Variants in FMN2 observed in about 807,000 individuals in gnomAD.
FMN2 encodes formin 2.
A neutral mutation model predicts 142.3 loss-of-function variants in FMN2; 51 were observed. That is an observed-to-expected ratio of 0.36 (90% CI 0.29 to 0.45). The LOEUF is 0.45. Ranked by LOEUF, FMN2 falls within the 20% of genes least tolerant of loss-of-function variation. FMN2 has a pLI of 1.00. For missense variants in FMN2, 1,936 were observed against 2,122.8 expected (o/e 0.91, Z 1.73); for synonymous variants, 882 against 869.8 (o/e 1.01, Z -0.25).
At chr1:240,369,567 T>C (rs1348825684) in intron 14 of FMN2, among the ~76,000 whole-genome samples, 1 of 152,158 alleles carries the variant, frequency 6.6e-6, no homozygotes, top group Non-Finnish European at 1.5e-5. Context: ...GTAAATTCTG[T>C]TTTTGTCTGT....
At chr1:240,192,537 A>G (rs933326547) in intron 4 of FMN2, among the ~76,000 whole-genome samples, 4 of 152,220 alleles carry the variant, frequency 2.6e-5, no homozygotes, top group African/African-American at 9.6e-5. Flanking sequence ...CCCACAAGAC[A>G]AGTAAATAAC....
chr1:240,171,375 C>G, intron 2 of FMN2: 1 of 565,886 alleles, frequency 1.8e-6, no homozygotes, highest in Non-Finnish European at 3.3e-6. Context: ...CCTCCTAGAC[C>G]TTCAGCAGCT....
At chr1:240,135,245 T>C (rs1662890747) in intron 2 of FMN2, among the ~76,000 whole-genome samples, 2 of 152,208 alleles carry the variant, frequency 1.3e-5, no homozygotes, top group South Asian at 4.1e-4. Context: ...ATTGCTCTTC[T>C]CTTTCAAAGA....
At chr1:240,378,878 T>C (rs534021536) in intron 14 of FMN2, among the ~76,000 whole-genome samples, 1 of 152,222 alleles carries the variant, frequency 6.6e-6, no homozygotes, top group Non-Finnish European at 1.5e-5. Context: ...GGGTGGTTAC[T>C]AAAAAACTAC....
At chr1:240,315,956 C>T (rs1670768086) in intron 8 of FMN2, among the ~76,000 whole-genome samples, 1 of 152,124 alleles carries the variant, frequency 6.6e-6, no homozygotes, top group South Asian at 2.1e-4. Context: ...ACACAAAAGG[C>T]CATTTCATGC....
intron 15 of FMN2, among the ~76,000 whole-genome samples, chr1:240,410,715 A>T (rs2103124658): frequency 6.6e-6 from 1 of 152,324 alleles, no homozygotes; most frequent in East Asian, 1.9e-4. Context: ...TAAGTGATAA[A>T]TTGTCTGCTT....
intron 13 of FMN2, among the ~76,000 whole-genome samples, chr1:240,339,338 T>G (rs1240993508): frequency 2.8e-5 from 4 of 144,292 alleles, no homozygotes; most frequent in Admixed American, 1.4e-4. Context: ...TCTATTTTAT[T>G]ATTTTTTTTT....
In FMN2 at chr1:240,206,924, G is replaced by A; in HGVS notation, c.2112G>A (p.Val704=). Residue 704 remains valine (V), a synonymous_variant, in exon 5 of 18, where the codon GTG becomes GTA. Transcript: ENST00000319653. ...ERQYPALDTE[V]ASGHQGLENG... is the part of the protein sequence containing the mutation. ...AGTATCCTGCCCTGGACACAGAGGT[G>A]GCCAGTGGTCATCAAGGGCTTGAGA... 1 of 1,614,164 alleles carries A rather than the reference G, an allele frequency of 6.2e-7. No individual in the cohort carries two copies. Among genetic ancestry groups the A allele is most frequent in the Non-Finnish European group, 8.5e-7 (1 of 1,180,006 alleles).
At chr1:240,222,089 C>A (rs576133375) in intron 6 of FMN2, among the ~76,000 whole-genome samples, 7 of 149,924 alleles carry the variant, frequency 4.7e-5, no homozygotes, top group African/African-American at 1.7e-4. Flanking sequence ...GAACTCCTGG[C>A]CTCAAGTCAC....
Position 240,206,969 on chromosome 1 carries a change from C to A in FMN2, c.2157C>A (p.Gly719=). Residue 719 remains glycine, a synonymous_variant, in exon 5 of 18, where the codon GGC becomes GGA. Coordinates refer to ENST00000319653, the MANE Select transcript of FMN2 (RefSeq NM_020066.5). ...TTGAGAATGGAGTGACAGCCTCAGGCGATGTCTGTCTCGAAGCTCTCAGGT... is the reference window on the plus strand; with the variant it reads ...TTGAGAATGGAGTGACAGCCTCAGGAGATGTCTGTCTCGAAGCTCTCAGGT... The part of the protein sequence containing the change: ...QGLENGVTAS[G]DVCLEALRLE... 1.2e-6 allele frequency: 2 copies of A among 1,614,100 alleles called. No homozygotes were observed. The highest frequency in any genetic ancestry group is 1.7e-6 in the Non-Finnish European group (2 of 1,180,000).
intron 6 of FMN2, among the ~76,000 whole-genome samples, chr1:240,232,657 T>C (rs1347879827): frequency 6.6e-6 from 1 of 152,184 alleles, no homozygotes; most frequent in Non-Finnish European, 1.5e-5. Context: ...ATCTATAACA[T>C]ATGACTCATA....
At chr1:240,323,857 C>T (rs535150730) in intron 8 of FMN2, among the ~76,000 whole-genome samples, 5 of 152,284 alleles carry the variant, frequency 3.3e-5, no homozygotes, top group African/African-American at 1.2e-4. Context: ...TCTGAAGCTT[C>T]CTCCTCAGGG....
chr1:240,435,551 A>G (rs1184629930), intron 15 of FMN2, among the ~76,000 whole-genome samples: 2 of 152,078 alleles, frequency 1.3e-5, no homozygotes, highest in African/African-American at 4.8e-5. Context: ...CATATGTAAT[A>G]TAAAATACAT....
At chr1:240,155,148 C>T (rs943432062) in intron 2 of FMN2, among the ~76,000 whole-genome samples, 19 of 152,166 alleles carry the variant, frequency 1.2e-4, no homozygotes, top group African/African-American at 3.4e-4. Context: ...ACCTTGGCTG[C>T]CAAAATGCTG....
chr1:240,180,154 A>AAG (rs1665090733), intron 3 of FMN2: 4 of 1,280,014 alleles, frequency 3.1e-6, no homozygotes, highest in Non-Finnish European at 4.1e-6. Flanking sequence ...CCTTTTTAAA[A>AAG]ATGCATTCTT....
intron 6 of FMN2, among the ~76,000 whole-genome samples, chr1:240,240,273 CT>C (rs1667848616): frequency 1.3e-5 from 2 of 152,224 alleles, no homozygotes; most frequent in South Asian, 4.1e-4. Flanking sequence ...GATATGTGAC[CT>C]TGAACAGCCA....
At chr1:240,386,801 G>A (rs995319880) in intron 14 of FMN2, among the ~76,000 whole-genome samples, 3 of 152,174 alleles carry the variant, frequency 2.0e-5, no homozygotes, top group African/African-American at 4.8e-5. Flanking sequence ...GCACAGGACT[G>A]TCTGAGCCGA....
chr1:240,108,469 C>T (rs1272854777), intron 1 of FMN2, among the ~76,000 whole-genome samples: 1 of 152,094 alleles, frequency 6.6e-6, no homozygotes, highest in Non-Finnish European at 1.5e-5. Context: ...ACATCATAAA[C>T]TTAAGCAATT....
At chr1:240,254,819 A>T (rs933243737) in intron 6 of FMN2, among the ~76,000 whole-genome samples, 2 of 152,136 alleles carry the variant, frequency 1.3e-5, no homozygotes, top group African/African-American at 4.8e-5. Flanking sequence ...GGAGGATATC[A>T]GGGGAGCCCC....
Sources: allele counts gnomAD v4.1 joint callset (sites outside exome capture counted in the v4.1 genomes callset), GRCh38; gene constraint gnomAD v4.1.1; transcripts MANE v1.5; gene names NCBI Gene and HGNC (gene_info 2026-07-23, HGNC 2026-07-21).